The following NEGR1 variants were observed in gnomAD, a reference collection of about 807,000 sequenced individuals.
NEGR1 encodes IgLON family member 4.
NEGR1 carries 10 observed loss-of-function variants against 40.9 expected under a neutral mutation model. The ratio of observed to expected loss-of-function variants is 0.24; its 90% CI spans 0.15 to 0.42. NEGR1 has a LOEUF of 0.42. NEGR1 is among the 10% of genes least tolerant of loss of function. The pLI is 1.00. For missense variants in NEGR1, 352 were observed against 438.9 expected, an observed-to-expected ratio of 0.80 and a Z score of 1.77; for synonymous variants, 185 against 166.8, an observed-to-expected ratio of 1.11 and a Z score of -0.84.
intron 3 of NEGR1, among the ~76,000 whole-genome samples, chr1:71,756,048 G>C (rs1224120886): frequency 1.3e-5 from 2 of 152,140 alleles, no homozygotes; most frequent in African/African-American, 2.4e-5. Flanking sequence ...GAGTCTCACT[G>C]TTTTTTAATA....
At chr1:71,630,886 G>A (rs938220653) in intron 4 of NEGR1, among the ~76,000 whole-genome samples, 4 of 151,818 alleles carry the variant, frequency 2.6e-5, no homozygotes, top group African/African-American at 9.7e-5. Context: ...GGACTTTCAT[G>A]CATATTAGTT....
chr1:71,820,688 T>A (rs941856497), intron 2 of NEGR1, among the ~76,000 whole-genome samples: 3 of 151,916 alleles, frequency 2.0e-5, no homozygotes, highest in Non-Finnish European at 4.4e-5. Flanking sequence ...GTTGGATCTT[T>A]GGTCACTGGG....
intron 4 of NEGR1, among the ~76,000 whole-genome samples, chr1:71,667,272 T>C (rs1054009260): frequency 1.3e-5 from 2 of 152,236 alleles, no homozygotes; most frequent in South Asian, 2.1e-4. Flanking sequence ...TGAATGTTTT[T>C]AGTAATTCAA....
chr1:72,114,307 C>A (rs1347032290), intron 1 of NEGR1, among the ~76,000 whole-genome samples: 1 of 151,602 alleles, frequency 6.6e-6, no homozygotes. Flanking sequence ...TCACCCCACA[C>A]CTCTGCCCAG....
intron 1 of NEGR1, among the ~76,000 whole-genome samples, chr1:72,113,987 T>C (rs1226138203): frequency 6.6e-6 from 1 of 151,782 alleles, no homozygotes; most frequent in Non-Finnish European, 1.5e-5. Context: ...TTGTGTAATG[T>C]TATGTTATCA....
intron 6 of NEGR1, among the ~76,000 whole-genome samples, chr1:71,444,372 T>A (rs1211264683): frequency 1.3e-5 from 2 of 152,174 alleles, no homozygotes; most frequent in East Asian, 3.9e-4. Context: ...CATGGCTATA[T>A]TGCAATAAAA....
chr1:71,783,612 C>G (rs1656797613), intron 2 of NEGR1, among the ~76,000 whole-genome samples: 1 of 152,044 alleles, frequency 6.6e-6, no homozygotes, highest in Admixed American at 6.6e-5. Flanking sequence ...CATGAAATAC[C>G]TACAGATAAA....
At chr1:71,873,913 C>G (rs1292173449) in intron 2 of NEGR1, among the ~76,000 whole-genome samples, 1 of 152,108 alleles carries the variant, frequency 6.6e-6, no homozygotes, top group East Asian at 1.9e-4. Context: ...AAGACAGTAG[C>G]AAAATTAGGC....
Position 71,640,385 on chromosome 1 carries a change from G to C in NEGR1, c.668-29239C>G, listed in dbSNP as rs1350196772. On this transcript the variant is annotated intron_variant, in intron 4 of 6. Transcript: ENST00000357731. ...ACAAAGGATGCATTGATATCTCAGA[G>C]TGTCAAACGGAATTATTCCCCTTCA... Among the ~76,000 whole-genome samples the C allele has an allele frequency of 3.3e-5, 5 of 152,164 alleles. No individual in the cohort carries two copies. In the South Asian group the frequency reaches 8.3e-4, roughly 25 times the overall value.
chr1:71,684,226 G>A (rs1055284215), intron 4 of NEGR1, among the ~76,000 whole-genome samples: 2 of 151,966 alleles, frequency 1.3e-5, no homozygotes, highest in African/African-American at 4.8e-5. Context: ...AGCCCAGATC[G>A]CGCCACTGCA....
At chr1:71,993,354 A>G (rs770439500) in intron 1 of NEGR1, among the ~76,000 whole-genome samples, 1 of 152,212 alleles carries the variant, frequency 6.6e-6, no homozygotes, top group Non-Finnish European at 1.5e-5. Context: ...AAGAGCGCCA[A>G]CTTTTAGCTG....
chr1:71,795,243 T>C (rs1286408267), intron 2 of NEGR1, among the ~76,000 whole-genome samples: 1 of 151,954 alleles, frequency 6.6e-6, no homozygotes, highest in African/African-American at 2.4e-5. Context: ...AATGAAATTG[T>C]AGAGATTTGA....
At position 71,400,825 on chromosome 1, in the gene NEGR1, G is replaced by A. The variant is rs1646242587; in HGVS notation, c.*6621C>T. The A allele has an allele frequency of 6.6e-6, 1 of 152,188 alleles. No individual in the cohort carries two copies. Among genetic ancestry groups the A allele is most frequent in the Non-Finnish European group, 1.5e-5 (1 of 68,050 alleles). The allele number at this position is 152,188 out of a possible 1,614,324, so 9.4% of individuals were successfully genotyped here. ...AGGGAAGTGGATCACTTGAGGTCAG[G>A]AGTTCTAGACCAGACTGGCCAACAT... On this transcript the variant is annotated 3_prime_UTR_variant, in exon 7 of 7. Coordinates refer to ENST00000357731, the MANE Select transcript of NEGR1 (RefSeq NM_173808.3).
At chr1:71,698,255 T>C in intron 3 of NEGR1, 116 bp from the exon 4 acceptor site, 1 of 875,642 alleles carries the variant, frequency 1.1e-6, no homozygotes. Flanking sequence ...CAAATGAAAC[T>C]GGGGAATTAT....
At chr1:71,610,301 G>T (rs2101541624) in intron 5 of NEGR1, among the ~76,000 whole-genome samples, 1 of 152,294 alleles carries the variant, frequency 6.6e-6, no homozygotes, top group African/African-American at 2.4e-5. Context: ...ACTCTATACA[G>T]TTCACCCACA....
chr1:71,988,495 C>T (rs1485618939), intron 1 of NEGR1, among the ~76,000 whole-genome samples: 4 of 136,422 alleles, frequency 2.9e-5, no homozygotes, highest in African/African-American at 5.5e-5. Flanking sequence ...GCCGAGATTG[C>T]GCCACTGCAG....
At chr1:71,814,907 C>A (rs935073651) in intron 2 of NEGR1, among the ~76,000 whole-genome samples, 14 of 152,092 alleles carry the variant, frequency 9.2e-5, no homozygotes, top group Non-Finnish European at 1.8e-4. Context: ...CTTTCTCCTT[C>A]AGTTCCACTC....
intron 6 of NEGR1, among the ~76,000 whole-genome samples, chr1:71,483,567 G>T (rs1209066897): frequency 6.6e-6 from 1 of 151,392 alleles, no homozygotes; most frequent in Non-Finnish European, 1.5e-5. Context: ...TCCATACAAA[G>T]GTATCAAACT....
At chr1:71,566,227 A>T (rs929641646) in intron 6 of NEGR1, among the ~76,000 whole-genome samples, 1 of 152,124 alleles carries the variant, frequency 6.6e-6, no homozygotes, top group African/African-American at 2.4e-5. Context: ...TAATATAGAT[A>T]TTTAGGTGAA....
Sources: gnomAD v4.1 joint callset for allele counts (sites outside exome capture counted in the v4.1 genomes callset) on GRCh38, gnomAD v4.1.1 for gene constraint, MANE v1.5 for transcripts, NCBI Gene and HGNC (gene_info 2026-07-23, HGNC 2026-07-21) for gene names.